RBFOX1: variants seen among roughly 807,000 people sequenced by gnomAD.
RBFOX1 encodes RNA binding protein fox-1 homolog 1.
In RBFOX1, 8 loss-of-function variants were observed where a neutral mutation model predicts 57.7. That is an observed-to-expected ratio of 0.14 (90% CI 0.08 to 0.25). RBFOX1 has a LOEUF of 0.25. Among genes scored for constraint, RBFOX1 ranks in the 10% least tolerant of loss-of-function variants. The probability of loss-of-function intolerance (pLI) is 1.00; values close to 1 mark genes in which losing one functional copy is unlikely to be tolerated. For synonymous variants in RBFOX1, 326 were observed against 222.4 expected (o/e 1.47, Z -4.15); for missense variants, 611 against 548.5 (o/e 1.11, Z -1.14).
At chr16:6,939,804 G>A (rs950811622) in intron 3 of RBFOX1, among the ~76,000 whole-genome samples, 1 of 152,096 alleles carries the variant, frequency 6.6e-6, no homozygotes, top group African/African-American at 2.4e-5. Context: ...CAGCCATCAT[G>A]CTGGACCAGA....
intron 3 of RBFOX1, among the ~76,000 whole-genome samples, chr16:6,877,140 A>G (rs1490058344): frequency 6.6e-6 from 1 of 152,216 alleles, no homozygotes; most frequent in Non-Finnish European, 1.5e-5. Context: ...AACAACAGTA[A>G]ACAAAAAAGC....
At position 5,374,333 on chromosome 16, in the gene RBFOX1, AAGG is replaced by A. The variant is rs527825800; in HGVS notation, c.220-92880_220-92878del. Among the ~76,000 whole-genome samples the A allele has an allele frequency of 7.2e-5, 11 of 152,362 alleles. No homozygotes were observed. In the South Asian group the frequency reaches 2.3e-3, roughly 32 times the overall value. On this transcript the variant is annotated intron_variant, in intron 1 of 2. Coordinates refer to the RBFOX1 transcript ENST00000585867. ...ATAAAGAGGCCTGGAAGTTTGGAGAAAGGAGATAGAGGCTCTCCCTGAGGAGAT... is the reference window on the plus strand; with the variant it reads ...ATAAAGAGGCCTGGAAGTTTGGAGAAAGATAGAGGCTCTCCCTGAGGAGAT...
At chr16:5,446,210 A>G (rs939656542) in intron 1 of RBFOX1, among the ~76,000 whole-genome samples, 3 of 152,128 alleles carry the variant, frequency 2.0e-5, no homozygotes, top group African/African-American at 4.8e-5. Flanking sequence ...TGACACCCAC[A>G]TGGAGACATT....
chr16:5,444,565 A>C (rs1005436262), intron 1 of RBFOX1, among the ~76,000 whole-genome samples: 2 of 152,082 alleles, frequency 1.3e-5, no homozygotes, highest in Non-Finnish European at 2.9e-5. Context: ...CCCGGGGAGG[A>C]GAATGGTACC....
At chr16:6,639,603 A>C (rs1451056353) in intron 2 of RBFOX1, among the ~76,000 whole-genome samples, 1 of 152,178 alleles carries the variant, frequency 6.6e-6, no homozygotes, top group Admixed American at 6.5e-5. Flanking sequence ...TGGGCCGGGC[A>C]CGGTGGCTCA....
intron 1 of RBFOX1, among the ~76,000 whole-genome samples, chr16:5,404,888 C>G (rs1359029847): frequency 6.6e-6 from 1 of 152,230 alleles, no homozygotes; most frequent in Non-Finnish European, 1.5e-5. Context: ...AGAAAGCTTT[C>G]CAGCTTGGTC....
At chr16:7,193,491 A>G (rs987292896) in intron 4 of RBFOX1, among the ~76,000 whole-genome samples, 1 of 152,248 alleles carries the variant, frequency 6.6e-6, no homozygotes, top group Non-Finnish European at 1.5e-5. Context: ...CAGCAGCAGT[A>G]TCAAGCTAAT....
intron 3 of RBFOX1, among the ~76,000 whole-genome samples, chr16:6,838,947 T>G (rs1180373574): frequency 1.3e-5 from 2 of 151,894 alleles, no homozygotes; most frequent in Non-Finnish European, 2.9e-5. Context: ...TTTTTTTTTT[T>G]AAGAAAAAAT....
chr16:7,447,100 C>G (rs1185205026), intron 4 of RBFOX1, among the ~76,000 whole-genome samples: 1 of 152,056 alleles, frequency 6.6e-6, no homozygotes, highest in Non-Finnish European at 1.5e-5. Flanking sequence ...GCGTGAGCCA[C>G]TGTCCTCGGC....
intron 1 of RBFOX1, among the ~76,000 whole-genome samples, chr16:6,196,466 C>T (rs896555047): frequency 6.6e-6 from 1 of 152,086 alleles, no homozygotes; most frequent in African/African-American, 2.4e-5. Flanking sequence ...ATACAGTAGA[C>T]AATAAATCTG....
chr16:6,832,595 G>A (rs2092786992), intron 3 of RBFOX1, among the ~76,000 whole-genome samples: 1 of 152,230 alleles, frequency 6.6e-6, no homozygotes, highest in Admixed American at 6.5e-5. Flanking sequence ...CAGACGGAAA[G>A]TGAAGGTTTC....
intron 3 of RBFOX1, among the ~76,000 whole-genome samples, chr16:6,875,051 C>G (rs1472836752): frequency 6.6e-6 from 1 of 152,064 alleles, no homozygotes; most frequent in African/African-American, 2.4e-5. Flanking sequence ...CAAGTGTGGT[C>G]AAGAACAGGG....
At chr16:5,510,017 C>T (rs1402098791) in intron 2 of RBFOX1, among the ~76,000 whole-genome samples, 3 of 152,190 alleles carry the variant, frequency 2.0e-5, no homozygotes, top group African/African-American at 4.8e-5. Flanking sequence ...CTCAGCCACG[C>T]CCTACCCCTG....
At chr16:7,341,207 G>A (rs1249178145) in intron 4 of RBFOX1, among the ~76,000 whole-genome samples, 1 of 152,058 alleles carries the variant, frequency 6.6e-6, no homozygotes, top group African/African-American at 2.4e-5. Flanking sequence ...ATTCACTGCT[G>A]AGCCCTAAGA....
At chr16:6,443,483 T>A (rs1214484754) in intron 2 of RBFOX1, among the ~76,000 whole-genome samples, 2 of 152,176 alleles carry the variant, frequency 1.3e-5, no homozygotes, top group Non-Finnish European at 2.9e-5. Flanking sequence ...CCAGAAACTC[T>A]CTAGTACACA....
chr16:5,946,949 C>T lies in RBFOX1; in HGVS notation c.351+79614C>T, dbSNP rs907928328. On this transcript the variant is annotated intron_variant, in intron 4 of 19. Transcript: ENST00000641259. This position sits in a 1 kb window ranked among gnomAD's most constrained non-coding sequence, Gnocchi z 4.6. ...GAAGAAAGGCCAGAGCAGTGGCTCA[C>T]AGCCGTAATCCTAGCACTTAGGGAG... Among the ~76,000 whole-genome samples the T allele has an allele frequency of 6.6e-6, 1 of 152,172 alleles. No homozygotes were observed. The highest frequency in any genetic ancestry group is 2.4e-5 in the African/African-American group (1 of 41,430).
rs539846470 is a variant in RBFOX1, at chr16:7,358,406, G to GTGTTTTT, written c.28-159718_28-159712dup. On this transcript the variant is annotated intron_variant, in intron 4 of 15. Transcript: ENST00000550418. ...GGAAAATTAAGACTTAAGTATTTTT[G>GTGTTTTT]TGTTTTTTGTTTTTTGTTTTTTGTT... Among the ~76,000 whole-genome samples, 47 of 151,866 alleles carry GTGTTTTT rather than the reference G, an allele frequency of 3.1e-4. 1 individual carries two copies. Among genetic ancestry groups the GTGTTTTT allele is most frequent in the African/African-American group, 8.7e-4 (36 of 41,360 alleles).
At chr16:6,024,622 G>A (rs2095150776) in intron 1 of RBFOX1, among the ~76,000 whole-genome samples, 1 of 152,184 alleles carries the variant, frequency 6.6e-6, no homozygotes, top group African/African-American at 2.4e-5. Flanking sequence ...CTGAGTAGCT[G>A]GGATTACAGG....
At chr16:5,355,452 G>C (rs968422472) in intron 1 of RBFOX1, among the ~76,000 whole-genome samples, 18 of 152,196 alleles carry the variant, frequency 1.2e-4, no homozygotes, top group African/African-American at 4.3e-4. Flanking sequence ...CAAGGTCAAT[G>C]TCTGGGTCAG....
Sources: gnomAD v4.1 joint callset for allele counts (sites outside exome capture counted in the v4.1 genomes callset) on GRCh38, gnomAD v4.1.1 for gene constraint, Gnocchi (gnomAD v3.1) non-coding constraint, MANE v1.5 for transcripts, NCBI Gene and HGNC (gene_info 2026-07-23, HGNC 2026-07-21) for gene names.